The following MRAP2 variants were observed in gnomAD, a reference collection of about 807,000 sequenced individuals.
MRAP2 encodes the protein melanocortin-2 receptor accessory protein 2.
Under a neutral mutation model 17.4 loss-of-function variants are expected in MRAP2, and 20 were observed. The ratio of observed to expected loss-of-function variants is 1.15; its 90% CI spans 0.81 to 1.67. MRAP2 has a LOEUF of 1.67. MRAP2 is among the 40% of genes most tolerant of loss of function. The pLI is 0.00. For synonymous variants in MRAP2, 96 were observed against 88.4 expected, an observed-to-expected ratio of 1.09 and a Z score of -0.48; for missense variants, 238 against 240.0, an observed-to-expected ratio of 0.99 and a Z score of 0.05.
At chr6:84,143,628 GAGAGAA>G in the MRAP2 span, among the ~76,000 whole-genome samples, 1 of 150,736 alleles carries the variant, frequency 6.6e-6, no homozygotes, top group Non-Finnish European at 1.5e-5. Context: ...TGCAGAAGGA[GAGAGAA>G]AGAGAAAGTG....
intron 2 of MRAP2, among the ~76,000 whole-genome samples, chr6:84,056,767 C>G (rs979140103): frequency 2.0e-5 from 3 of 152,144 alleles, no homozygotes; most frequent in African/African-American, 4.8e-5. Context: ...ATCAACTTTA[C>G]TTTTGTGTCA....
At chr6:84,104,277 C>T in the MRAP2 span, among the ~76,000 whole-genome samples, 1 of 152,132 alleles carries the variant, frequency 6.6e-6, no homozygotes, top group East Asian at 1.9e-4. Context: ...CTGGTTCCTG[C>T]CCACGAAACC....
At chr6:84,137,258 C>G in the MRAP2 span, among the ~76,000 whole-genome samples, 1 of 152,184 alleles carries the variant, frequency 6.6e-6, no homozygotes. Context: ...ATCCAGCATG[C>G]CAAGTGTGGC....
intron 1 of MRAP2, among the ~76,000 whole-genome samples, chr6:84,052,119 A>G (rs1294064073): frequency 1.3e-5 from 2 of 152,166 alleles, no homozygotes; most frequent in African/African-American, 4.8e-5. Flanking sequence ...GTTTCCTGTC[A>G]AAGAAGTTAT....
the MRAP2 span, among the ~76,000 whole-genome samples, chr6:84,104,144 A>G: frequency 6.6e-6 from 1 of 152,326 alleles, no homozygotes; most frequent in East Asian, 1.9e-4. Flanking sequence ...TAGCTGTGCC[A>G]AGGCTTGGGG....
At chr6:84,102,830 G>A in the MRAP2 span, among the ~76,000 whole-genome samples, 1 of 152,078 alleles carries the variant, frequency 6.6e-6, no homozygotes, top group Admixed American at 6.5e-5. Flanking sequence ...TGTGAGGTGG[G>A]CAGGTGGAAT....
chr6:84,086,166 C>T (rs1161103297), intron 3 of MRAP2, among the ~76,000 whole-genome samples: 2 of 152,196 alleles, frequency 1.3e-5, no homozygotes, highest in African/African-American at 4.8e-5. Flanking sequence ...TGAAAATACT[C>T]ATGCCATATA....
chr6:84,041,098 C>T (rs1437043056), intron 1 of MRAP2, among the ~76,000 whole-genome samples: 1 of 152,152 alleles, frequency 6.6e-6, no homozygotes, highest in Admixed American at 6.5e-5. Flanking sequence ...AGACTTGGTG[C>T]CCTGCATCCT....
chr6:84,119,954 AGAT>A, the MRAP2 span, among the ~76,000 whole-genome samples: 1 of 152,206 alleles, frequency 6.6e-6, no homozygotes, highest in Non-Finnish European at 1.5e-5. Context: ...TTAGAGATGT[AGAT>A]AAAGATTTAT....
At chr6:84,108,888 A>G in the MRAP2 span, among the ~76,000 whole-genome samples, 1 of 152,208 alleles carries the variant, frequency 6.6e-6, no homozygotes, top group South Asian at 2.1e-4. Flanking sequence ...AATTTTGTGC[A>G]TATGGCTAGC....
chr6:84,131,950 A>G, the MRAP2 span, among the ~76,000 whole-genome samples: 1 of 152,152 alleles, frequency 6.6e-6, no homozygotes, highest in Non-Finnish European at 1.5e-5. Flanking sequence ...TGGTCTTTAC[A>G]ATTTGGCATG....
At chr6:84,036,182 A>C (rs1290746714) in intron 1 of MRAP2, among the ~76,000 whole-genome samples, 1 of 151,782 alleles carries the variant, frequency 6.6e-6, no homozygotes, top group East Asian at 1.9e-4. Flanking sequence ...TGAAATATCA[A>C]GGTAGATATA....
At chr6:84,042,132 G>A (rs1284277615) in intron 1 of MRAP2, among the ~76,000 whole-genome samples, 2 of 152,174 alleles carry the variant, frequency 1.3e-5, no homozygotes, top group African/African-American at 2.4e-5. Context: ...GTTCTCATGA[G>A]AGCTGATGGT....
At chr6:84,097,735 CTTATA>C in the MRAP2 span, among the ~76,000 whole-genome samples, 1 of 152,060 alleles carries the variant, frequency 6.6e-6, no homozygotes, top group Non-Finnish European at 1.5e-5. Flanking sequence ...GTTTCTTATT[CTTATA>C]TTATTAATCA....
At chr6:84,091,420 A>G (rs2497125), downstream of MRAP2, among the ~76,000 whole-genome samples, 30,016 of 151,390 alleles carry the variant, frequency 0.2, 6,099 homozygotes, top group African/African-American at 0.52. Context: ...AGTAGAGACG[A>G]GATTTCACTA....
intron 2 of MRAP2, among the ~76,000 whole-genome samples, chr6:84,058,503 T>C (rs2099492258): frequency 6.6e-6 from 1 of 152,016 alleles, no homozygotes; most frequent in South Asian, 2.1e-4. Context: ...AGCTCTGTTT[T>C]GGACCTGTTA....
At chr6:84,131,300 G>A in the MRAP2 span, among the ~76,000 whole-genome samples, 1 of 152,124 alleles carries the variant, frequency 6.6e-6, no homozygotes, top group Non-Finnish European at 1.5e-5. Flanking sequence ...TAAAATAAGT[G>A]TGATGTGCTG....
chr6:84,083,883 A>G (rs1323990325), intron 3 of MRAP2, among the ~76,000 whole-genome samples: 2 of 152,192 alleles, frequency 1.3e-5, no homozygotes, highest in Non-Finnish European at 2.9e-5. Flanking sequence ...TTTCGTCTGG[A>G]TATTTTAGTC....
upstream of MRAP2, chr6:84,033,698 T>G (rs946200490): frequency 7.1e-6 from 7 of 984,762 alleles, no homozygotes; most frequent in Admixed American, 3.1e-4. Flanking sequence ...GCTGCAGCCC[T>G]GCTCCGGCGC....
Sources: allele counts gnomAD v4.1 joint callset (sites outside exome capture counted in the v4.1 genomes callset), GRCh38; gene constraint gnomAD v4.1.1; transcripts MANE v1.5; gene names NCBI Gene and HGNC (gene_info 2026-07-23, HGNC 2026-07-21).